The following AOPEP variants were observed in gnomAD, a reference collection of about 807,000 sequenced individuals.
AOPEP encodes the protein aminopeptidase O (putative), also known as aminopeptidase O.
AOPEP carries 77 observed loss-of-function variants against 98.1 expected under a neutral mutation model. The observed-to-expected ratio is 0.78, with a 90% CI of 0.65 to 0.95. The LOEUF (loss-of-function observed/expected upper bound fraction) is 0.95. Among genes scored for constraint, AOPEP ranks in the 40% least tolerant of loss-of-function variants. AOPEP has a pLI of 0.00. For synonymous variants in AOPEP, 346 were observed against 365.3 expected (o/e 0.95, Z 0.60); for missense variants, 1,024 against 1,024.7 (o/e 1.00, Z 0.01).
At chr9:94,775,357 G>A (rs1268575038) in intron 3 of AOPEP, among the ~76,000 whole-genome samples, 1 of 150,880 alleles carries the variant, frequency 6.6e-6, no homozygotes, top group Non-Finnish European at 1.5e-5. Context: ...TGAAGTCACC[G>A]ATGAGTATTT....
At chr9:94,984,197 T>A (rs1016558807) in intron 11 of AOPEP, among the ~76,000 whole-genome samples, 8 of 151,974 alleles carry the variant, frequency 5.3e-5, no homozygotes, top group Non-Finnish European at 8.8e-5. Context: ...CACGCCTGGC[T>A]AATTTTTTGT....
intron 5 of AOPEP, among the ~76,000 whole-genome samples, chr9:94,878,791 T>A (rs1174932857): frequency 6.6e-6 from 1 of 152,232 alleles, no homozygotes; most frequent in Non-Finnish European, 1.5e-5. Context: ...ATTTGTTCTT[T>A]CAGCCTTTCT....
intron 13 of AOPEP, among the ~76,000 whole-genome samples, chr9:95,040,138 ACAGT>A (rs1399177503): frequency 1.3e-5 from 2 of 152,346 alleles, no homozygotes; most frequent in Non-Finnish European, 2.9e-5. Context: ...GAGGAGGCAC[ACAGT>A]CAGGGGACCC....
intron 11 of AOPEP, among the ~76,000 whole-genome samples, chr9:94,995,427 A>G (rs1199972603): frequency 2.0e-5 from 3 of 152,126 alleles, no homozygotes; most frequent in Non-Finnish European, 4.4e-5. Context: ...ATGCACGTCC[A>G]AGGCCACAGA....
intron 13 of AOPEP, among the ~76,000 whole-genome samples, chr9:95,058,602 G>C (rs1163669673): frequency 6.6e-6 from 1 of 152,206 alleles, no homozygotes; most frequent in African/African-American, 2.4e-5. Context: ...GAGAAATGCT[G>C]CTCACCAGTT....
intron 14 of AOPEP, among the ~76,000 whole-genome samples, chr9:95,073,348 A>G (rs1201219647): frequency 6.6e-6 from 1 of 152,112 alleles, no homozygotes; most frequent in East Asian, 1.9e-4. Context: ...AGCCTGGAGC[A>G]TCAGGCTCTG....
intron 5 of AOPEP, among the ~76,000 whole-genome samples, chr9:94,836,499 T>G (rs774929234): frequency 1.3e-4 from 20 of 152,240 alleles, no homozygotes; most frequent in Non-Finnish European, 1.9e-4. Flanking sequence ...ATGCTTACTT[T>G]CTTTGGCATC....
At chr9:95,143,995 G>C in the AOPEP span, among the ~76,000 whole-genome samples, 1 of 152,212 alleles carries the variant, frequency 6.6e-6, no homozygotes, top group Non-Finnish European at 1.5e-5. Flanking sequence ...CAAGACCAAA[G>C]ACACCAGCCA....
chr9:94,908,388 C>T (rs72748590), intron 5 of AOPEP, among the ~76,000 whole-genome samples: 2,589 of 152,206 alleles, frequency 0.017, 50 homozygotes, highest in East Asian at 0.044. Context: ...CCAATAAAAG[C>T]GGAATGTTCA....
At chr9:95,121,642 G>A in the AOPEP span, among the ~76,000 whole-genome samples, 1 of 152,190 alleles carries the variant, frequency 6.6e-6, no homozygotes, top group Non-Finnish European at 1.5e-5. Context: ...AATGGACTAT[G>A]CATAACAGTA....
chr9:94,818,926 C>T (rs1236196067), intron 5 of AOPEP, among the ~76,000 whole-genome samples: 4 of 152,068 alleles, frequency 2.6e-5, no homozygotes, highest in Admixed American at 1.3e-4. Flanking sequence ...CCCAGGAGGC[C>T]GGGCTTCCAG....
chr9:95,123,037 C>G, the AOPEP span, among the ~76,000 whole-genome samples: 1 of 152,300 alleles, frequency 6.6e-6, no homozygotes, highest in African/African-American at 2.4e-5. Context: ...CACAGTGGCT[C>G]AAGCCTGGAA....
At chr9:94,932,296 T>G in intron 7 of AOPEP, 1 of 983,908 alleles carries the variant, frequency 1.0e-6, no homozygotes, top group Non-Finnish European at 1.2e-6. Flanking sequence ...AAAAGGAACA[T>G]TCAACATTCT....
intron 1 of AOPEP, among the ~76,000 whole-genome samples, chr9:94,741,601 G>A (rs913994426): frequency 2.0e-5 from 3 of 151,912 alleles, no homozygotes; most frequent in Non-Finnish European, 2.9e-5. Context: ...AAGCAGGGAC[G>A]TGACATTAAA....
At chr9:94,907,514 G>A (rs2051333566) in intron 5 of AOPEP, among the ~76,000 whole-genome samples, 1 of 152,008 alleles carries the variant, frequency 6.6e-6, no homozygotes, top group South Asian at 2.1e-4. Context: ...GCATCAGGTT[G>A]TTTTCCGCGG....
At chr9:95,087,900 A>AG (rs1377192410), downstream of AOPEP, among the ~76,000 whole-genome samples, 1 of 152,140 alleles carries the variant, frequency 6.6e-6, no homozygotes, top group South Asian at 2.1e-4. Context: ...GCCTGGCTCC[A>AG]GGGGGCAGCA....
intron 11 of AOPEP, among the ~76,000 whole-genome samples, chr9:94,999,362 A>C (rs1051776102): frequency 6.6e-6 from 1 of 152,202 alleles, no homozygotes; most frequent in Non-Finnish European, 1.5e-5. Context: ...TGCCTGGTTA[A>C]ACAGGGTCAC....
At chr9:94,967,292 T>C (rs1414415545) in intron 9 of AOPEP, among the ~76,000 whole-genome samples, 1 of 152,178 alleles carries the variant, frequency 6.6e-6, no homozygotes, top group Non-Finnish European at 1.5e-5. Flanking sequence ...TGGACATCTT[T>C]GTTCCTTGAT....
At chr9:95,099,290 G>A in the AOPEP span, 2 of 222,866 alleles carry the variant, frequency 9.0e-6, no homozygotes, top group African/African-American at 4.5e-5. Context: ...GCTAGAGTAA[G>A]GTCAGATTCC....
Sources: gnomAD v4.1 joint callset for allele counts (sites outside exome capture counted in the v4.1 genomes callset) on GRCh38, gnomAD v4.1.1 for gene constraint, MANE v1.5 for transcripts, NCBI Gene and HGNC (gene_info 2026-07-23, HGNC 2026-07-21) for gene names.